The following NLRP5 variants were observed in gnomAD, a reference collection of about 807,000 sequenced individuals.
NLRP5 encodes NLR family pyrin domain containing 5, also known as NACHT, LRR and PYD domains-containing protein 5.
Under a neutral mutation model 113.1 loss-of-function variants are expected in NLRP5, and 93 were observed. The ratio of observed to expected loss-of-function variants is 0.82; its 90% CI spans 0.70 to 0.98. The LOEUF (loss-of-function observed/expected upper bound fraction) is 0.98, where lower values mean the gene tolerates loss of function less well. Among genes scored for constraint, NLRP5 ranks in the 50% least tolerant of loss-of-function variants. The pLI is 0.00. For missense variants in NLRP5, 1,808 were observed against 1,514.3 expected (o/e 1.19, Z -3.22); for synonymous variants, 751 against 600.7 (o/e 1.25, Z -3.66).
intron 13 of NLRP5, 95 bp downstream of exon 13, chr19:56,053,903 T>G: frequency 8.6e-7 from 1 of 1,160,402 alleles, no homozygotes; most frequent in South Asian, 1.4e-5. Flanking sequence ...ATGATCTGGT[T>G]TCCATGAGTC....
chr19:55,987,992 C>T, the NLRP5 span: 2 of 1,064,806 alleles, frequency 1.9e-6, no homozygotes, highest in African/African-American at 1.6e-5. Flanking sequence ...CGTTATCATC[C>T]TGTATGCATT....
chr19:56,027,394 G>C lies in NLRP5; in HGVS notation c.1161G>C (p.Pro387=). The C allele has an allele frequency of 6.2e-7, 1 of 1,613,424 alleles. No homozygotes were observed. Among genetic ancestry groups the C allele is most frequent in the South Asian group, 1.1e-5 (1 of 90,966 alleles). Reference sequence around the variant, plus strand: ...AAGACTGGGCTGAGAAGCAGCCTCCGTTCACCCTCATACGCAGTCTGCTGA... The same window carrying C: ...AAGACTGGGCTGAGAAGCAGCCTCCCTTCACCCTCATACGCAGTCTGCTGA... Residue 387 remains proline (P), a synonymous_variant, in exon 7 of 15, where the codon CCG becomes CCC. Coordinates refer to ENST00000390649, the MANE Select transcript of NLRP5 (RefSeq NM_153447.4).
At position 56,056,665 on chromosome 19, in the gene NLRP5, A is replaced by C. The variant is rs574425901; in HGVS notation, c.3300-1575A>C. 5.3e-5 allele frequency among the ~76,000 whole-genome samples: 8 copies of C among 152,300 alleles called. No individual in the cohort carries two copies. The East Asian group carries it at 1.5e-3, about 29-fold the overall frequency. The stretch of plus-strand genomic sequence containing the variant: ...TCATCCGTGTGCAGCACCTTATACC[A>C]TCACTGATTTACCTCTCCCTTGCCT... On this transcript the variant is annotated intron_variant, in intron 13 of 14. Coordinates refer to ENST00000390649, the MANE Select transcript of NLRP5 (RefSeq NM_153447.4).
chr19:56,015,022 A>G (rs776778159), intron 3 of NLRP5, among the ~76,000 whole-genome samples: 1 of 152,226 alleles, frequency 6.6e-6, no homozygotes, highest in Non-Finnish European at 1.5e-5. Flanking sequence ...AACAACATTA[A>G]GTCTTCAACC....
At chr19:56,056,788 A>G (rs1179040386) in intron 13 of NLRP5, among the ~76,000 whole-genome samples, 1 of 152,130 alleles carries the variant, frequency 6.6e-6, no homozygotes, top group Non-Finnish European at 1.5e-5. Flanking sequence ...TTATCTCACC[A>G]TCTCGCCATA....
In NLRP5 at chr19:56,033,653, T is replaced by C. The variant is rs1400949056; in HGVS notation, c.2559T>C (p.Asp853=). The C allele has an allele frequency of 1.2e-6, 2 of 1,613,786 alleles. No individual in the cohort carries two copies. Among genetic ancestry groups the C allele is most frequent in the East Asian group, 2.2e-5 (1 of 44,872 alleles). ...GAGGCACCCACCTGAAGGAAGAGGA[T>C]GTAAGGATGGCGTGTGAAGCCTTAA... is the stretch of plus-strand genomic sequence containing the variant. The change falls in exon 9 of 15, where the codon GAT becomes GAC. Residue 853 remains aspartate (D), a synonymous_variant. Coordinates refer to ENST00000390649, the MANE Select transcript of NLRP5 (RefSeq NM_153447.4).
chr19:56,055,124 G>A (rs1984084055), intron 13 of NLRP5, among the ~76,000 whole-genome samples: 2 of 150,782 alleles, frequency 1.3e-5, no homozygotes, highest in African/African-American at 2.4e-5. Context: ...GAGTAGCTGG[G>A]ACTACAGGTG....
rs1323317547 is a variant in NLRP5, at chr19:56,032,658, C to T, written c.2324C>T (p.Ser775Phe). ...GAGGAGCAGTGGGAAGATTTCTGCT[C>T]CATGCTTGGCACCCACCCACACCTG... The change falls in exon 8 of 15, where the codon TCC (serine) becomes TTC (phenylalanine). Residue 775 changes from serine to phenylalanine, a missense_variant. Transcript: ENST00000390649. 1 of 1,613,692 alleles carries T rather than the reference C, an allele frequency of 6.2e-7. No homozygotes were observed. Among genetic ancestry groups the T allele is most frequent in the Non-Finnish European group, 8.5e-7 (1 of 1,179,840 alleles).
rs1304132572 is a variant in NLRP5, at chr19:56,028,484, G to A, written c.2251G>A (p.Glu751Lys). ...GATCTTCCCAAGAGATGAGTCCGCT[G>A]AGGCATGTCCTGTGGTCCCTCTATG... The change falls in exon 7 of 15, where the codon GAG (glutamate) becomes AAG (lysine). Residue 751 changes from glutamate to lysine, a missense_variant. Physicochemically the swap from Glu to Lys is moderately conservative, Grantham distance 56 (BLOSUM62 1). Transcript: ENST00000390649. The A allele has an allele frequency of 1.2e-6, 2 of 1,613,578 alleles. No individual in the cohort carries two copies. Among genetic ancestry groups the A allele is most frequent in the African/African-American group, 2.7e-5 (2 of 74,932 alleles).
intron 1 of NLRP5, among the ~76,000 whole-genome samples, chr19:56,000,483 G>A (rs1774792470): frequency 6.6e-6 from 1 of 151,858 alleles, no homozygotes; most frequent in African/African-American, 2.4e-5. Flanking sequence ...TCCTGCCTCA[G>A]CCTCCCTAGT....
chr19:56,012,537 C>G (rs1982236539), intron 3 of NLRP5, among the ~76,000 whole-genome samples: 1 of 146,478 alleles, frequency 6.8e-6, no homozygotes, highest in Admixed American at 7.0e-5. Context: ...TAAACATGAA[C>G]CTATTACCAT....
At chr19:56,016,639 T>G (rs7253464) in intron 4 of NLRP5, among the ~76,000 whole-genome samples, 1 of 151,886 alleles carries the variant, frequency 6.6e-6, no homozygotes, top group Admixed American at 6.6e-5. Context: ...TGGTAACCAC[T>G]GTTCTACCCT....
intron 7 of NLRP5, among the ~76,000 whole-genome samples, chr19:56,028,833 C>T (rs538132369): frequency 6.6e-6 from 1 of 152,094 alleles, no homozygotes; most frequent in African/African-American, 2.4e-5. Flanking sequence ...GGCACGATCT[C>T]GGCTCACTGC....
chr19:56,040,441 G>A (rs1983476270), intron 10 of NLRP5, among the ~76,000 whole-genome samples: 1 of 152,164 alleles, frequency 6.6e-6, no homozygotes, highest in Non-Finnish European at 1.5e-5. Context: ...GGTGGTGCAT[G>A]CCTATGATCC....
At chr19:55,989,533 G>A in the NLRP5 span, among the ~76,000 whole-genome samples, 4 of 152,192 alleles carry the variant, frequency 2.6e-5, no homozygotes, top group East Asian at 1.9e-4. Context: ...GATGACAGGC[G>A]TGAGCCACTG....
chr19:56,032,845 C>A, intron 8 of NLRP5, 64 bp downstream of exon 8: 1 of 1,479,054 alleles, frequency 6.8e-7, no homozygotes. Flanking sequence ...TCTCCCCTAC[C>A]TCCTGAGAGA....
chr19:55,987,456 G>A, the NLRP5 span, among the ~76,000 whole-genome samples: 1 of 152,244 alleles, frequency 6.6e-6, no homozygotes, highest in Non-Finnish European at 1.5e-5. Context: ...TAGGAGTCCA[G>A]AGGGTGTTTT....
intron 11 of NLRP5, among the ~76,000 whole-genome samples, chr19:56,048,444 T>A (rs1007796539): frequency 6.8e-6 from 1 of 148,088 alleles, no homozygotes; most frequent in Non-Finnish European, 1.5e-5. Context: ...AGCATTTGTC[T>A]GTCTGAAAAA....
At chr19:56,002,341 A>C (rs1981686053) in intron 1 of NLRP5, among the ~76,000 whole-genome samples, 2 of 152,180 alleles carry the variant, frequency 1.3e-5, no homozygotes, top group South Asian at 4.1e-4. Flanking sequence ...TTTTTACACC[A>C]AAACTGTTTA....
Sources: allele counts gnomAD v4.1 joint callset (sites outside exome capture counted in the v4.1 genomes callset), GRCh38; gene constraint gnomAD v4.1.1; transcripts MANE v1.5; gene names NCBI Gene and HGNC (gene_info 2026-07-23, HGNC 2026-07-21).